The following MTMR10 variants were observed in gnomAD, a reference collection of about 807,000 sequenced individuals.
The protein encoded by MTMR10 is myotubularin related protein 10.
In MTMR10, 56 loss-of-function variants were observed where a neutral mutation model predicts 88.1. That is an observed-to-expected ratio of 0.64 (90% CI 0.51 to 0.79). The LOEUF (loss-of-function observed/expected upper bound fraction) is 0.79, where lower values mean the gene tolerates loss of function less well. Ranked by LOEUF, MTMR10 falls within the 30% of genes least tolerant of loss-of-function variation. The pLI, the probability that MTMR10 is intolerant of heterozygous loss-of-function variation, is 0.00. For synonymous variants in MTMR10, 380 were observed against 340.9 expected, an observed-to-expected ratio of 1.11 and a Z score of -1.26; for missense variants, 883 against 924.7, an observed-to-expected ratio of 0.95 and a Z score of 0.58.
downstream of MTMR10, among the ~76,000 whole-genome samples, chr15:30,937,568 CAG>C (rs759059459): frequency 3.6e-4 from 55 of 150,726 alleles, no homozygotes; most frequent in Non-Finnish European, 6.9e-4. Flanking sequence ...TCTCCTGCCT[CAG>C]GGTCCCCAGT....
rs1394560624 is a variant in MTMR10, at chr15:30,940,787, T to TTTC, written c.*680_*682dup. The TTTC allele has an allele frequency of 2.0e-6, 2 of 986,672 alleles. No individual in the cohort carries two copies. The highest frequency in any genetic ancestry group is 6.1e-5 in the Admixed American group (1 of 16,386). The allele number at this position is 986,672 out of a possible 1,614,324, so 61.1% of individuals were successfully genotyped here. A position where few individuals can be genotyped will look rare whatever the true frequency, so the allele number is the denominator to read the frequency against. Reference sequence around the variant, plus strand: ...CCAATTTTAAAAAGTGAAATTATATTTTCTTCTGTAATATTTGTATCCTAA... The same window carrying TTTC: ...CCAATTTTAAAAAGTGAAATTATATTTTCTTCTTCTGTAATATTTGTATCCTAA... On this transcript the variant is annotated 3_prime_UTR_variant, in exon 16 of 16. Coordinates refer to ENST00000435680, the MANE Select transcript of MTMR10 (RefSeq NM_017762.3).
chr15:30,965,118 T>C (rs2063457841), intron 6 of MTMR10, among the ~76,000 whole-genome samples: 2 of 152,332 alleles, frequency 1.3e-5, no homozygotes, highest in East Asian at 3.9e-4. Context: ...GTTCCTCCAG[T>C]AATCCTGATG....
At chr15:30,965,963 C>G (rs1454001688) in intron 6 of MTMR10, 1 of 448,934 alleles carries the variant, frequency 2.2e-6, no homozygotes, top group African/African-American at 2.0e-5. Flanking sequence ...ATCTTTCACT[C>G]ACAAATTAAT....
At chr15:30,925,849 G>A in the MTMR10 span, 3 of 1,614,088 alleles carry the variant, frequency 1.9e-6, no homozygotes, top group African/African-American at 2.7e-5. Context: ...GTTTGTGATG[G>A]AGGCCGGGGA....
intron 6 of MTMR10, among the ~76,000 whole-genome samples, chr15:30,962,625 C>T (rs1228541938): frequency 2.0e-5 from 3 of 151,920 alleles, no homozygotes; most frequent in Non-Finnish European, 4.4e-5. Context: ...ACATGTCATG[C>T]TCATTCCTAC....
chr15:30,927,465 G>T, the MTMR10 span: 13 of 985,658 alleles, frequency 1.3e-5, no homozygotes, highest in Non-Finnish European at 1.6e-5. Context: ...CTGACAGGAA[G>T]ACAGGACAGA....
At chr15:30,953,892 C>CA (rs2063285181) in intron 10 of MTMR10, among the ~76,000 whole-genome samples, 1 of 152,210 alleles carries the variant, frequency 6.6e-6, no homozygotes, top group Non-Finnish European at 1.5e-5. Context: ...CTCTGACTCC[C>CA]AACAGCTAAG....
chr15:30,944,457 T>C (rs985898623), intron 14 of MTMR10, among the ~76,000 whole-genome samples: 5 of 151,136 alleles, frequency 3.3e-5, no homozygotes, highest in Non-Finnish European at 7.4e-5. Flanking sequence ...TCCCAGCTAC[T>C]CGGGAGGCTG....
the MTMR10 span, among the ~76,000 whole-genome samples, chr15:30,924,249 G>T: frequency 6.6e-6 from 1 of 152,170 alleles, no homozygotes; most frequent in East Asian, 1.9e-4. Flanking sequence ...CCACTCATTG[G>T]TTGATGGACA....
chr15:30,928,458 G>A, the MTMR10 span: 1 of 1,546,624 alleles, frequency 6.5e-7, no homozygotes, highest in Non-Finnish European at 8.7e-7. Context: ...GAAATTGAGT[G>A]TGCAGTAGGT....
In MTMR10 at chr15:30,961,959, T is replaced by C. The variant is rs184135489; in HGVS notation, c.566-886A>G. Among the ~76,000 whole-genome samples, 3 of 152,342 alleles carry C rather than the reference T, an allele frequency of 2.0e-5. No homozygotes were observed. The East Asian group carries it at 5.8e-4, about 29-fold the overall frequency. Reference sequence around the variant, plus strand: ...AAATGAAACATCCAACAATCATCTCTGTCCTCAAGCCCTTCAAATCTTTAA... The same window carrying C: ...AAATGAAACATCCAACAATCATCTCCGTCCTCAAGCCCTTCAAATCTTTAA... On this transcript the variant is annotated intron_variant, in intron 6 of 15. Transcript: ENST00000435680.
chr15:30,932,767 GTAGTAGCGTGAGT>G, the MTMR10 span, among the ~76,000 whole-genome samples: 1 of 147,542 alleles, frequency 6.8e-6, no homozygotes, highest in African/African-American at 2.5e-5. Flanking sequence ...AGACTGGAGT[GTAGTAGCGTGAGT>G]TAGCTCACTG....
intron 15 of MTMR10, 136 bp from the exon 16 acceptor site, chr15:30,942,208 T>G (rs1293607570): frequency 9.2e-7 from 1 of 1,089,774 alleles, no homozygotes; most frequent in Non-Finnish European, 1.3e-6. Context: ...CTCCCTTCCT[T>G]TGTGTCCTTA....
At chr15:30,963,678 T>TAGACAGACAGAC (rs147897131) in intron 6 of MTMR10, among the ~76,000 whole-genome samples, 39 of 146,542 alleles carry the variant, frequency 2.7e-4, no homozygotes, top group Non-Finnish European at 2.1e-4. Context: ...GACAGATAGA[T>TAGACAGACAGAC]AGATAGATAG....
intron 9 of MTMR10, among the ~76,000 whole-genome samples, chr15:30,957,237 A>G (rs1285889308): frequency 6.6e-6 from 1 of 152,250 alleles, no homozygotes; most frequent in Non-Finnish European, 1.5e-5. Context: ...TGTGCAAAAC[A>G]GACATAGTCC....
At chr15:30,922,475 T>C in the MTMR10 span, 1 of 1,049,476 alleles carries the variant, frequency 9.5e-7, no homozygotes, top group South Asian at 1.6e-5. Context: ...TTTGTTAACA[T>C]TCTTCTTTTG....
chr15:30,928,174 G>C, the MTMR10 span: 1,621 of 1,011,720 alleles, frequency 1.6e-3, 4 homozygotes, highest in Non-Finnish European at 1.6e-3. Flanking sequence ...CCTGCATGGG[G>C]ATTCTGTGCC....
chr15:30,966,988 T>C (rs576459439), intron 6 of MTMR10, among the ~76,000 whole-genome samples: 3 of 152,056 alleles, frequency 2.0e-5, no homozygotes, highest in East Asian at 1.9e-4. Context: ...ATTTACAATA[T>C]AGTGTTGCTG....
At position 30,942,148 on chromosome 15, in the gene MTMR10, A is replaced by G. The variant is rs183643823; in HGVS notation, c.1732-76T>C. ...TTGAAGGATGCAATGGCAAATATAA[A>G]CTCAATACTATGAAAAATTAATGGA... is the stretch of plus-strand genomic sequence containing the variant. On this transcript the variant is annotated intron_variant, in intron 15 of 15. Transcript: ENST00000435680. 12 of 1,450,380 alleles carry G rather than the reference A, an allele frequency of 8.3e-6. No homozygotes were observed. In the East Asian group the frequency reaches 2.7e-4, roughly 33 times the overall value. The allele number at this position is 1,450,380 out of a possible 1,614,324, so 89.8% of individuals were successfully genotyped here. A position where few individuals can be genotyped will look rare whatever the true frequency, so the allele number is the denominator to read the frequency against.
Sources: allele counts gnomAD v4.1 joint callset (sites outside exome capture counted in the v4.1 genomes callset), GRCh38; gene constraint gnomAD v4.1.1; transcripts MANE v1.5; gene names NCBI Gene and HGNC (gene_info 2026-07-23, HGNC 2026-07-21).